CNOT6L: variants seen among roughly 807,000 people sequenced by gnomAD.
CNOT6L encodes CCR4-NOT transcription complex subunit 6-like.
A neutral mutation model predicts 64.0 loss-of-function variants in CNOT6L; 7 were observed. The ratio of observed to expected loss-of-function variants is 0.11; its 90% CI spans 0.06 to 0.21. CNOT6L has a LOEUF of 0.21. CNOT6L is among the 10% of genes least tolerant of loss of function. The pLI, the probability that CNOT6L is intolerant of heterozygous loss-of-function variation, is 1.00. For missense variants in CNOT6L, 245 were observed against 669.0 expected (o/e 0.37, Z 6.99); for synonymous variants, 193 against 243.4 (o/e 0.79, Z 1.93).
chr4:77,720,729 C>T, intron 11 of CNOT6L, 86 bp from the exon 12 acceptor site: 1 of 1,316,374 alleles, frequency 7.6e-7, no homozygotes, highest in Non-Finnish European at 1.1e-6. Flanking sequence ...AAAAAACTGA[C>T]TACCCTTTCT....
intron 1 of CNOT6L, among the ~76,000 whole-genome samples, chr4:77,818,525 C>G (rs1306012931): frequency 1.3e-5 from 2 of 152,212 alleles, no homozygotes; most frequent in East Asian, 3.8e-4. Flanking sequence ...TCCACACAGC[C>G]TTAGGGGAAG....
At position 77,715,749 on chromosome 4, in the gene CNOT6L, T is replaced by C. The variant is rs538360411; in HGVS notation, c.*4682A>G. The C allele has an allele frequency of 2.0e-5, 3 of 152,528 alleles. No individual in the cohort carries two copies. Among genetic ancestry groups the C allele is most frequent in the African/African-American group, 7.2e-5 (3 of 41,578 alleles). The allele number at this position is 152,528 out of a possible 1,614,324, so 9.4% of individuals were successfully genotyped here. On this transcript the variant is annotated 3_prime_UTR_variant, in exon 12 of 12. Coordinates refer to ENST00000504123, the MANE Select transcript of CNOT6L (RefSeq NM_144571.3). ...CAAGACATCCTGTAGTTTAGATATA[T>C]GGGCTGCTTCTTTTTTACCCTCAAG...
chr4:77,726,490 T>C, intron 10 of CNOT6L, 121 bp from the exon 11 acceptor site: 1 of 648,752 alleles, frequency 1.5e-6, no homozygotes, highest in Non-Finnish European at 2.5e-6. Context: ...GGTTGAGCCA[T>C]ATAAAACTGC....
At chr4:77,748,260 C>A in intron 6 of CNOT6L, 56 bp downstream of exon 6, 1 of 1,178,824 alleles carries the variant, frequency 8.5e-7, no homozygotes, top group South Asian at 1.2e-5. Flanking sequence ...TCATGAAGCC[C>A]AAATAACATT....
intron 8 of CNOT6L, 109 bp from the exon 9 acceptor site, chr4:77,731,647 G>T: frequency 1.3e-6 from 1 of 798,512 alleles, no homozygotes; most frequent in Non-Finnish European, 1.9e-6. Flanking sequence ...CTAGCTGCAA[G>T]TGACCATGTG....
intron 6 of CNOT6L, among the ~76,000 whole-genome samples, chr4:77,746,753 G>A (rs1293715651): frequency 6.6e-6 from 1 of 152,102 alleles, no homozygotes; most frequent in Non-Finnish European, 1.5e-5. Context: ...TTATACACTA[G>A]GAAAGGCCAA....
upstream of CNOT6L, chr4:77,819,398 C>T (rs1462007567): frequency 5.0e-6 from 8 of 1,606,182 alleles, no homozygotes; most frequent in East Asian, 1.6e-4. Context: ...CGCACCAGGC[C>T]CCCACAGATG....
chr4:77,764,854 TCCCTCTGCAA>T (rs1186449799), intron 4 of CNOT6L, among the ~76,000 whole-genome samples: 1 of 152,134 alleles, frequency 6.6e-6, no homozygotes, highest in East Asian at 1.9e-4. Context: ...TGCACTCTTG[TCCCTCTGCAA>T]CCCTTAGGAT....
intron 2 of CNOT6L, among the ~76,000 whole-genome samples, chr4:77,775,127 A>G (rs1223327529): frequency 6.6e-6 from 1 of 152,188 alleles, no homozygotes; most frequent in Non-Finnish European, 1.5e-5. Context: ...TAAATATCCT[A>G]CAATGCACAC....
At chr4:77,720,757 T>C in intron 11 of CNOT6L, 114 bp from the exon 12 acceptor site, 1 of 992,888 alleles carries the variant, frequency 1.0e-6, no homozygotes, top group Non-Finnish European at 1.5e-6. Flanking sequence ...CCTGTTGTCT[T>C]GATAGTGGGT....
chr4:77,724,639 CAAAAAAA>C (rs58504681), intron 11 of CNOT6L, among the ~76,000 whole-genome samples: 2 of 64,058 alleles, frequency 3.1e-5, no homozygotes, highest in Admixed American at 1.8e-4. Context: ...GACCCTATCT[CAAAAAAA>C]AAAAAAAAAA....
chr4:77,737,719 G>T (rs553581142), intron 8 of CNOT6L, among the ~76,000 whole-genome samples: 1 of 151,924 alleles, frequency 6.6e-6, no homozygotes, highest in Non-Finnish European at 1.5e-5. Context: ...CGCCCAGACT[G>T]TACAGCTCTT....
chr4:77,753,048 G>A (rs180930085), intron 5 of CNOT6L, among the ~76,000 whole-genome samples: 76 of 150,810 alleles, frequency 5.0e-4, no homozygotes, highest in African/African-American at 1.6e-3. Flanking sequence ...AACAACTTTC[G>A]GCCCGTAAAT....
chr4:77,793,460 G>A (rs1261262242), intron 1 of CNOT6L, among the ~76,000 whole-genome samples: 4 of 152,148 alleles, frequency 2.6e-5, no homozygotes, highest in Non-Finnish European at 1.5e-5. Flanking sequence ...TGGCATAAGC[G>A]CATTCTGAAA....
chr4:77,751,261 C>CA (rs1724835323), intron 5 of CNOT6L, among the ~76,000 whole-genome samples: 1 of 151,982 alleles, frequency 6.6e-6, no homozygotes, highest in South Asian at 2.1e-4. Context: ...TTTTAAAAGT[C>CA]ATTGGAAAGG....
intron 4 of CNOT6L, among the ~76,000 whole-genome samples, chr4:77,760,691 A>T (rs1726102641): frequency 6.6e-6 from 1 of 151,624 alleles, no homozygotes; most frequent in Non-Finnish European, 1.5e-5. Context: ...TCAACAATGA[A>T]GGGACAGCCA....
At position 77,752,043 on chromosome 4, in the gene CNOT6L, G is replaced by T. The variant is rs72864946; in HGVS notation, c.491-3659C>A. 1.8e-3 allele frequency among the ~76,000 whole-genome samples: 272 copies of T among 152,210 alleles called. 2 individuals are homozygous for T. The highest frequency in any genetic ancestry group is 5.5e-3 in the African/African-American group (227 of 41,542). ...AAAAAATTAGCCAGACGTGGTGACGGGAGCCTGTAGTCCCTAGCCACTTGG... is the reference window on the plus strand; with the variant it reads ...AAAAAATTAGCCAGACGTGGTGACGTGAGCCTGTAGTCCCTAGCCACTTGG... On this transcript the variant is annotated intron_variant, in intron 5 of 11. Transcript: ENST00000504123.
At chr4:77,737,403 G>GTTTTTTTTTTTTTTTTTTTTTTTT (rs1723076948) in intron 8 of CNOT6L, among the ~76,000 whole-genome samples, 1 of 116,046 alleles carries the variant, frequency 8.6e-6, no homozygotes, top group African/African-American at 3.4e-5. Flanking sequence ...TATTTGTACC[G>GTTTTTTTTTTTTTTTTTTTTTTTT]TTCTTTTTTT....
At chr4:77,728,758 CCTTAA>C (rs916763826) in intron 10 of CNOT6L, 91 bp downstream of exon 10, 88 of 888,890 alleles carry the variant, frequency 9.9e-5, no homozygotes, top group Non-Finnish European at 2.2e-5. Context: ...ATGATACATT[CCTTAA>C]TTTATCTACT....
Sources: allele counts gnomAD v4.1 joint callset (sites outside exome capture counted in the v4.1 genomes callset), GRCh38; gene constraint gnomAD v4.1.1; transcripts MANE v1.5; gene names NCBI Gene and HGNC (gene_info 2026-07-23, HGNC 2026-07-21).